The following EWSR1 variants were observed in gnomAD, a reference collection of about 807,000 sequenced individuals.
EWSR1 encodes EWS RNA binding protein 1.
Under a neutral mutation model 92.1 loss-of-function variants are expected in EWSR1, and 14 were observed. The ratio of observed to expected loss-of-function variants is 0.15; its 90% CI spans 0.10 to 0.24. EWSR1 has a LOEUF of 0.24. EWSR1 is among the 10% of genes least tolerant of loss of function. EWSR1 has a pLI of 1.00. For synonymous variants in EWSR1, 303 were observed against 292.9 expected (o/e 1.03, Z -0.35); for missense variants, 637 against 870.9 (o/e 0.73, Z 3.38).
chr22:29,286,337 A>G lies in EWSR1; in HGVS notation c.582-586A>G, dbSNP rs959546487. 5.9e-5 allele frequency among the ~76,000 whole-genome samples: 9 copies of G among 151,794 alleles called. No individual in the cohort carries two copies. The East Asian group carries it at 1.8e-3, about 30-fold the overall frequency. On this transcript the variant is annotated intron_variant, in intron 6 of 16. Transcript: ENST00000397938. ...CAGCTGAAAATGACCATTGTTTTAA[A>G]TGGGAGTGGCGATTAAGAGAAAACT...
In EWSR1 at chr22:29,286,992, G is replaced by A. The variant is rs368583920; in HGVS notation, c.651G>A (p.Pro217=). 12 of 1,613,262 alleles carry A rather than the reference G, an allele frequency of 7.4e-6. No individual in the cohort carries two copies. The East Asian group carries it at 2.0e-4, about 27-fold the overall frequency. Residue 217 remains proline (P), a synonymous_variant, in exon 7 of 17, where the codon CCG becomes CCA. Transcript: ENST00000397938. ...CTCAGCAGAACACCTATGGGCAACC[G>A]AGCAGCTATGGACAGCAGAGTAGCT... ...SYSQQNTYGQ[P]SSYGQQSSYG...
chr22:29,268,279 CCTAGAGGGAAAG>C lies in EWSR1; in HGVS notation c.-56_-45del. 1.2e-6 allele frequency: 2 copies of C among 1,601,366 alleles called. No homozygotes were observed. The highest frequency in any genetic ancestry group is 8.6e-7 in the Non-Finnish European group (1 of 1,168,558). Reference sequence around the variant, plus strand: ...AGATTTGCGCCTGCGCAGTGCGGCGCCTAGAGGGAAAGCGAGAGGGAGACGGACGTTGAGAGA... The same window carrying C: ...AGATTTGCGCCTGCGCAGTGCGGCGCCGAGAGGGAGACGGACGTTGAGAGA... On this transcript the variant is annotated 5_prime_UTR_variant, in exon 1 of 17. Transcript: ENST00000397938.
chr22:29,288,804 C>G lies in EWSR1; in HGVS notation c.974+18C>G. ...GGAATGGGGTAAGAGCAAACCTTTTCTCCTTTTACCTAATTTTGTTTCATC... is the reference window on the plus strand; with the variant it reads ...GGAATGGGGTAAGAGCAAACCTTTTGTCCTTTTACCTAATTTTGTTTCATC... On this transcript the variant is annotated intron_variant, in intron 8 of 16. Coordinates refer to ENST00000397938, the MANE Select transcript of EWSR1 (RefSeq NM_005243.4). 1.3e-6 allele frequency: 2 copies of G among 1,555,848 alleles called. No homozygotes were observed. The highest frequency in any genetic ancestry group is 1.7e-6 in the Non-Finnish European group (2 of 1,149,410).
At chr22:29,277,207 A>G (rs933686559) in intron 4 of EWSR1, 3 of 225,460 alleles carry the variant, frequency 1.3e-5, no homozygotes, top group African/African-American at 4.5e-5. Context: ...GAAGGGGAGG[A>G]GAGACTCTAG....
chr22:29,269,338 C>T (rs1276481822), intron 1 of EWSR1: 1 of 152,248 alleles, frequency 6.6e-6, no homozygotes, highest in East Asian at 1.9e-4. Flanking sequence ...TAGAAGCAAT[C>T]TTAAAGGCAC....
intron 15 of EWSR1, 100 bp downstream of exon 15, chr22:29,299,431 C>CTT (rs1309887609): frequency 6.6e-7 from 1 of 1,517,410 alleles, no homozygotes; most frequent in Non-Finnish European, 8.8e-7. Context: ...TGCTTAACAA[C>CTT]TTTGAGTTGT....
chr22:29,289,255 T>C (rs1004493725), intron 8 of EWSR1: 4 of 233,220 alleles, frequency 1.7e-5, no homozygotes, highest in Non-Finnish European at 3.4e-5. Context: ...GTTGAACATA[T>C]GAAGATTTTG....
At chr22:29,293,908 T>C (rs2060636283) in intron 11 of EWSR1, among the ~76,000 whole-genome samples, 1 of 152,172 alleles carries the variant, frequency 6.6e-6, no homozygotes, top group African/African-American at 2.4e-5. Flanking sequence ...AGACAGAGTC[T>C]CACTCCTTCA....
Position 29,272,255 on chromosome 22 carries a change from A to G in EWSR1, c.50+3A>G. On this transcript the variant is annotated splice_donor_region_variant and intron_variant, in intron 2 of 16. Transcript: ENST00000397938. Reference sequence around the variant, plus strand: ...AGCCAAGCTGCAGCGCAGCAGGGGTAAGTCAGTCTTTTATAACCGTATTTT... The same window carrying G: ...AGCCAAGCTGCAGCGCAGCAGGGGTGAGTCAGTCTTTTATAACCGTATTTT... 1 of 1,614,064 alleles carries G rather than the reference A, an allele frequency of 6.2e-7. No homozygotes were observed. The highest frequency in any genetic ancestry group is 8.5e-7 in the Non-Finnish European group (1 of 1,179,914).
rs1181235477 is a variant in EWSR1, at chr22:29,291,560, A to G, written c.975-2A>G. On this transcript the variant is annotated splice_acceptor_variant, in intron 8 of 16. Transcript: ENST00000397938. LOFTEE classifies it high-confidence loss of function. ...CCTTCATTTCTTCGTTTATCCCCCC[A>G]GCAGCGCTGGAGAGCGAGGTGGCTT... is the stretch of plus-strand genomic sequence containing the variant. 1.2e-6 allele frequency: 2 copies of G among 1,613,486 alleles called. No individual in the cohort carries two copies. Among genetic ancestry groups the G allele is most frequent in the African/African-American group, 1.3e-5 (1 of 75,030 alleles).
chr22:29,273,587 G>C (rs1246907189), intron 3 of EWSR1, among the ~76,000 whole-genome samples, 154 bp from the exon 4 acceptor site: 1 of 152,064 alleles, frequency 6.6e-6, no homozygotes, highest in African/African-American at 2.4e-5. Flanking sequence ...TCATGATACT[G>C]TGATTATTTG....
chr22:29,273,786 G>A lies in EWSR1; in HGVS notation c.148G>A (p.Val50Ile), dbSNP rs2058883009. Residue 50 changes from valine (V) to isoleucine (I), a missense_variant, in exon 4 of 17, where the codon GTC (valine) becomes ATC (isoleucine). Around this residue, in one of 5 missense-constraint regions of EWSR1, gnomAD observed 144 missense variants for 189.0 expected, o/e 0.76. Coordinates refer to ENST00000397938, the MANE Select transcript of EWSR1 (RefSeq NM_005243.4). ...TGGAACCTATGGACAGCCCACTGAT[G>A]TCAGCTATACCCAGGCTCAGACCAC... ...SYGTYGQPTD[V>I]SYTQAQTTAT... 1 of 1,613,960 alleles carries A rather than the reference G, an allele frequency of 6.2e-7. No homozygotes were observed. Among genetic ancestry groups the A allele is most frequent in the Non-Finnish European group, 8.5e-7 (1 of 1,179,942 alleles).
At chr22:29,283,842 TGTTTG>T (rs2059811230) in intron 6 of EWSR1, among the ~76,000 whole-genome samples, 1 of 141,724 alleles carries the variant, frequency 7.1e-6, no homozygotes, top group Admixed American at 7.0e-5. Flanking sequence ...CCAGTTTGTT[TGTTTG>T]TTTTGAGATG....
chr22:29,295,655 A>C (rs2060800898), intron 11 of EWSR1: 2 of 223,284 alleles, frequency 9.0e-6, no homozygotes, highest in Non-Finnish European at 1.8e-5. Context: ...TACAGACTAA[A>C]CTGATCGTGT....
At chr22:29,273,045 C>T (rs976331145) in intron 3 of EWSR1, among the ~76,000 whole-genome samples, 4 of 152,244 alleles carry the variant, frequency 2.6e-5, no homozygotes, top group East Asian at 1.9e-4. Context: ...TGTGATGTCT[C>T]TGGCAGATCT....
chr22:29,273,141 T>A (rs2058817414), intron 3 of EWSR1, among the ~76,000 whole-genome samples: 1 of 152,222 alleles, frequency 6.6e-6, no homozygotes, highest in Admixed American at 6.5e-5. Flanking sequence ...TTTTAAGTAT[T>A]ATGGATGTCT....
intron 2 of EWSR1, 56 bp from the exon 3 acceptor site, chr22:29,272,324 T>G: frequency 6.2e-7 from 1 of 1,610,404 alleles, no homozygotes. Context: ...TCTATAATTG[T>G]AGAGGTGGTA....
Position 29,286,914 on chromosome 22 carries a change from C to CTT in EWSR1, c.582-8_582-7insTT. 1 of 1,589,410 alleles carries CTT rather than the reference C, an allele frequency of 6.3e-7. No individual in the cohort carries two copies. Among genetic ancestry groups the CTT allele is most frequent in the Non-Finnish European group, 8.6e-7 (1 of 1,165,142 alleles). Reference sequence around the variant, plus strand: ...AAGCTTTTTTTTTTTTCTCTTCTCTCTCTTTCAGCTATTCCTCTACACAGC... The same window carrying CTT: ...AAGCTTTTTTTTTTTTCTCTTCTCTCTTTCTTTCAGCTATTCCTCTACACAGC... On this transcript the variant is annotated splice_polypyrimidine_tract_variant and intron_variant, in intron 6 of 16. Transcript: ENST00000397938.
chr22:29,271,040 A>C (rs1473163046), intron 1 of EWSR1, among the ~76,000 whole-genome samples: 1 of 152,200 alleles, frequency 6.6e-6, no homozygotes, highest in African/African-American at 2.4e-5. Flanking sequence ...GGATTCAGCA[A>C]AGCTCTCTCA....
Sources: allele counts gnomAD v4.1 joint callset (sites outside exome capture counted in the v4.1 genomes callset), GRCh38; gene constraint gnomAD v4.1.1; regional missense constraint gnomAD v4.1.1; transcripts MANE v1.5; gene names NCBI Gene and HGNC (gene_info 2026-07-23, HGNC 2026-07-21).